Variants in NLGN1 observed in about 807,000 individuals in gnomAD.
NLGN1 encodes neuroligin 1, also known as neuroligin-1.
Under a neutral mutation model 65.5 loss-of-function variants are expected in NLGN1, and 12 were observed. That is an observed-to-expected ratio of 0.18 (90% CI 0.12 to 0.30). The LOEUF (loss-of-function observed/expected upper bound fraction) is 0.30. Ranked by LOEUF, NLGN1 falls within the 10% of genes least tolerant of loss-of-function variation. The probability of loss-of-function intolerance (pLI) is 1.00; values close to 1 mark genes in which losing one functional copy is unlikely to be tolerated. For synonymous variants in NLGN1, 350 were observed against 359.5 expected, an observed-to-expected ratio of 0.97 and a Z score of 0.30; for missense variants, 750 against 1,007.1, an observed-to-expected ratio of 0.74 and a Z score of 3.46.
chr3:174,087,993 G>A (rs1366936997), intron 4 of NLGN1, among the ~76,000 whole-genome samples: 8 of 152,198 alleles, frequency 5.3e-5, no homozygotes, highest in Non-Finnish European at 1.2e-4. Context: ...TGCAAGCAAA[G>A]TGTTAATAGG....
At chr3:174,101,317 G>A (rs913630557) in intron 4 of NLGN1, among the ~76,000 whole-genome samples, 11 of 152,134 alleles carry the variant, frequency 7.2e-5, no homozygotes, top group African/African-American at 2.2e-4. Flanking sequence ...CACCAAAGGA[G>A]CATGAGACGA....
intron 2 of NLGN1, among the ~76,000 whole-genome samples, chr3:173,507,806 A>G (rs941219051): frequency 2.6e-5 from 4 of 152,168 alleles, no homozygotes; most frequent in Non-Finnish European, 4.4e-5. Context: ...AAAAAATGCA[A>G]ACAGGCATTG....
At chr3:173,857,533 T>C (rs1560504999) in intron 4 of NLGN1, among the ~76,000 whole-genome samples, 1 of 152,048 alleles carries the variant, frequency 6.6e-6, no homozygotes, top group East Asian at 1.9e-4. Flanking sequence ...ATGGACAATA[T>C]TGTTATTGAT....
chr3:174,171,287 G>C (rs76907166), intron 4 of NLGN1, among the ~76,000 whole-genome samples: 3 of 151,644 alleles, frequency 2.0e-5, no homozygotes, highest in Admixed American at 2.0e-4. Flanking sequence ...TTGAAAGACC[G>C]AATTTTTATT....
At chr3:174,028,166 G>A (rs1373752408) in intron 4 of NLGN1, among the ~76,000 whole-genome samples, 1 of 152,114 alleles carries the variant, frequency 6.6e-6, no homozygotes. Context: ...CAGTAAATTG[G>A]TACTGGTTGA....
At chr3:173,935,589 A>G (rs1157552698) in intron 4 of NLGN1, among the ~76,000 whole-genome samples, 1 of 141,346 alleles carries the variant, frequency 7.1e-6, no homozygotes, top group Admixed American at 7.2e-5. Flanking sequence ...GAGAATATAC[A>G]GTCTACACAC....
At chr3:173,491,161 C>G (rs1729084809) in intron 2 of NLGN1, among the ~76,000 whole-genome samples, 1 of 151,802 alleles carries the variant, frequency 6.6e-6, no homozygotes, top group African/African-American at 2.4e-5. Context: ...GAGGGCATCC[C>G]TGTCTTGTGC....
intron 1 of NLGN1, among the ~76,000 whole-genome samples, chr3:173,416,527 C>G (rs1481466817): frequency 1.3e-5 from 2 of 152,140 alleles, no homozygotes; most frequent in African/African-American, 2.4e-5. Flanking sequence ...TTTCTATTTT[C>G]TAAAAGACTC....
intron 4 of NLGN1, among the ~76,000 whole-genome samples, chr3:173,837,819 G>C (rs1384154220): frequency 1.3e-5 from 2 of 152,132 alleles, no homozygotes; most frequent in African/African-American, 4.8e-5. Context: ...GTGGCCATGG[G>C]GAATGTCAGT....
chr3:173,700,851 C>T (rs1767035578), intron 3 of NLGN1, among the ~76,000 whole-genome samples: 1 of 152,142 alleles, frequency 6.6e-6, no homozygotes, highest in Non-Finnish European at 1.5e-5. Context: ...AAAGGCCGGG[C>T]ACGGTGGCTC....
chr3:173,610,748 G>T (rs1752152389), intron 3 of NLGN1, among the ~76,000 whole-genome samples: 1 of 151,882 alleles, frequency 6.6e-6, no homozygotes, highest in Non-Finnish European at 1.5e-5. Context: ...CTTTTGTGGG[G>T]TGGTGTGGGT....
chr3:173,406,700 G>T lies in NLGN1; in HGVS notation c.-390+8213G>T, dbSNP rs1346569123. 4.0e-5 allele frequency among the ~76,000 whole-genome samples: 6 copies of T among 151,800 alleles called. No individual in the cohort carries two copies. The East Asian group carries it at 7.8e-4, about 20-fold the overall frequency. The stretch of plus-strand genomic sequence containing the variant: ...ACCGTGCATTTCCACAGACAACAGC[G>T]TTTCTTCCCTGTATTGTATTTGAAA... On this transcript the variant is annotated intron_variant, in intron 1 of 6. Coordinates refer to ENST00000457714, the Ensembl canonical transcript of NLGN1.
At chr3:174,166,721 G>A (rs1430054273) in intron 4 of NLGN1, among the ~76,000 whole-genome samples, 1 of 152,060 alleles carries the variant, frequency 6.6e-6, no homozygotes, top group Non-Finnish European at 1.5e-5. Flanking sequence ...TCAAGTTGAA[G>A]TCCAGAGTTT....
At chr3:173,452,931 A>G (rs1175929633) in intron 2 of NLGN1, among the ~76,000 whole-genome samples, 1 of 152,180 alleles carries the variant, frequency 6.6e-6, no homozygotes, top group Admixed American at 6.5e-5. Context: ...AAATGTACAT[A>G]CCTTAATTAA....
intron 2 of NLGN1, among the ~76,000 whole-genome samples, chr3:173,529,427 A>G (rs1356223972): frequency 1.3e-5 from 2 of 152,206 alleles, no homozygotes; most frequent in Admixed American, 6.5e-5. Context: ...TGGCTTGCCC[A>G]TGAATACTCC....
intron 2 of NLGN1, among the ~76,000 whole-genome samples, chr3:173,472,624 A>G (rs116335345): frequency 6.6e-6 from 1 of 152,046 alleles, no homozygotes; most frequent in African/African-American, 2.4e-5. Context: ...ACTTATTAAA[A>G]TTATCCTGTA....
At chr3:173,842,883 A>ATG (rs1345895662) in intron 4 of NLGN1, among the ~76,000 whole-genome samples, 1 of 152,166 alleles carries the variant, frequency 6.6e-6, no homozygotes, top group Non-Finnish European at 1.5e-5. Flanking sequence ...GTGCCCTAGG[A>ATG]TGGACTCTGT....
intron 4 of NLGN1, among the ~76,000 whole-genome samples, chr3:174,155,638 G>T (rs1198600589): frequency 6.6e-6 from 1 of 151,568 alleles, no homozygotes; most frequent in Non-Finnish European, 1.5e-5. Context: ...TCAGACAAAA[G>T]AAATGTCTTC....
At chr3:173,932,194 T>C (rs903272975) in intron 4 of NLGN1, among the ~76,000 whole-genome samples, 1 of 152,114 alleles carries the variant, frequency 6.6e-6, no homozygotes, top group Admixed American at 6.6e-5. Context: ...GGTTATTTTT[T>C]TCAGTTATTT....
Sources: allele counts gnomAD v4.1 joint callset (sites outside exome capture counted in the v4.1 genomes callset), GRCh38; gene constraint gnomAD v4.1.1; transcripts MANE v1.5; gene names NCBI Gene and HGNC (gene_info 2026-07-23, HGNC 2026-07-21).